COL4A6: variants seen among roughly 807,000 people sequenced by gnomAD.
The protein encoded by COL4A6 is collagen alpha-6(IV) chain.
Under a neutral mutation model 126.7 loss-of-function variants are expected in COL4A6, and 59 were observed. The observed-to-expected ratio is 0.47, with a 90% CI of 0.38 to 0.58. The LOEUF is 0.58. Among genes scored for constraint, COL4A6 ranks in the 20% least tolerant of loss-of-function variants. The pLI is 0.00. For synonymous variants in COL4A6, 547 were observed against 496.6 expected (o/e 1.10, Z -1.35); for missense variants, 1,285 against 1,337.3 (o/e 0.96, Z 0.61).
intron 2 of COL4A6, among the ~76,000 whole-genome samples, chrX:108,358,017 G>A (rs2039996106): frequency 1.8e-5 from 2 of 111,523 alleles, no homozygotes; most frequent in South Asian, 7.6e-4. Flanking sequence ...GCAGATTCAA[G>A]GTTATTCTTG....
At chrX:108,245,450 C>T (rs1221289824) in intron 3 of COL4A6, among the ~76,000 whole-genome samples, 2 of 111,940 alleles carry the variant, frequency 1.8e-5, no homozygotes, top group East Asian at 2.8e-4. Flanking sequence ...CTCCCACGTA[C>T]TCCCCCAAAG....
At chrX:108,370,530 A>T (rs762818051) in intron 2 of COL4A6, among the ~76,000 whole-genome samples, 10 of 112,074 alleles carry the variant, frequency 8.9e-5, no homozygotes, top group Non-Finnish European at 1.3e-4. Context: ...TGGAGTTTGG[A>T]GAAAAGGAAT....
chrX:108,391,041 T>G (rs1449769209), intron 2 of COL4A6, among the ~76,000 whole-genome samples: 2 of 110,872 alleles, frequency 1.8e-5, no homozygotes, highest in African/African-American at 6.6e-5. Flanking sequence ...GTATCACCAG[T>G]GGAGATGGTG....
At chrX:108,300,904 A>T (rs1366471818) in intron 3 of COL4A6, among the ~76,000 whole-genome samples, 1 of 112,125 alleles carries the variant, frequency 8.9e-6, no homozygotes. Context: ...AAAACACAGA[A>T]CATAGTCTAG....
chrX:108,196,616 T>G (rs1440442074), intron 13 of COL4A6, 37 bp from the exon 14 acceptor site: 1 of 1,104,513 alleles, frequency 9.1e-7, no homozygotes, highest in African/African-American at 1.8e-5. Context: ...ATAACGTTTG[T>G]TTTCTTGTCG....
At chrX:108,167,076 T>C (rs1156964282) in intron 37 of COL4A6, among the ~76,000 whole-genome samples, 6 of 111,774 alleles carry the variant, frequency 5.4e-5, no homozygotes, top group Admixed American at 1.9e-4. Flanking sequence ...TACGTGTTAT[T>C]AAACCTGAAA....
chrX:108,259,345 A>G (rs1222215919), intron 3 of COL4A6, among the ~76,000 whole-genome samples: 1 of 111,662 alleles, frequency 9.0e-6, no homozygotes, highest in Non-Finnish European at 1.9e-5. Context: ...CCACCCCACA[A>G]ATAAATAGTT....
chrX:108,161,851 G>A, intron 41 of COL4A6, 116 bp from the exon 42 acceptor site: 1 of 491,008 alleles, frequency 2.0e-6, no homozygotes, highest in Non-Finnish European at 3.6e-6. Context: ...GATGCACTTG[G>A]CTGTCGACTT....
rs772257129 is a variant in COL4A6, at chrX:108,206,353, T to G, written c.609+165A>C. 3 of 573,757 alleles carry G rather than the reference T, an allele frequency of 5.2e-6. No homozygotes were observed. In the South Asian group the frequency reaches 6.7e-5, roughly 13 times the overall value. The allele number at this position is 573,757 out of a possible 1,213,427, so 47.3% of individuals were successfully genotyped here. On this transcript the variant is annotated intron_variant, in intron 9 of 44. Transcript: ENST00000334504. ...GATAGACTCTGATAAATAACTCCAA[T>G]AGCTCCTCGCAAGAGCATGCTTTAC... is the stretch of plus-strand genomic sequence containing the variant.
intron 13 of COL4A6, among the ~76,000 whole-genome samples, chrX:108,200,061 G>A (rs2035344703): frequency 8.9e-6 from 1 of 111,868 alleles, no homozygotes; most frequent in South Asian, 3.8e-4. Context: ...ATGCCAGGTG[G>A]CTAGAATCTA....
intron 2 of COL4A6, among the ~76,000 whole-genome samples, chrX:108,364,372 T>C (rs952329664): frequency 4.5e-5 from 5 of 110,703 alleles, no homozygotes; most frequent in African/African-American, 1.6e-4. Flanking sequence ...AAGTTCCTTA[T>C]TGTGGTAAGT....
At chrX:108,352,902 T>C (rs972551401) in intron 2 of COL4A6, among the ~76,000 whole-genome samples, 2 of 112,084 alleles carry the variant, frequency 1.8e-5, no homozygotes, top group African/African-American at 6.5e-5. Flanking sequence ...TTGACAGAAC[T>C]TTGGGCTTCC....
intron 3 of COL4A6, among the ~76,000 whole-genome samples, chrX:108,298,893 A>G (rs1196968608): frequency 9.0e-6 from 1 of 110,582 alleles, no homozygotes; most frequent in African/African-American, 3.3e-5. Flanking sequence ...GACTTGATTT[A>G]AAAAGTAAAA....
chrX:108,161,580 T>TA, intron 42 of COL4A6, 39 bp downstream of exon 42: 7 of 644,847 alleles, frequency 1.1e-5, no homozygotes, highest in African/African-American at 2.3e-5. Context: ...CAGACCACCA[T>TA]CCCCGCCCCG....
intron 2 of COL4A6, among the ~76,000 whole-genome samples, chrX:108,423,013 G>A (rs757188178): frequency 1.8e-5 from 2 of 112,098 alleles, no homozygotes; most frequent in African/African-American, 6.5e-5. Context: ...ACTTCACTAA[G>A]ATATAAAACT....
At chrX:108,222,291 T>C (rs1251224535) in intron 3 of COL4A6, among the ~76,000 whole-genome samples, 2 of 112,084 alleles carry the variant, frequency 1.8e-5, no homozygotes, top group Admixed American at 1.9e-4. Flanking sequence ...AAACCATTAG[T>C]AATATGCATT....
chrX:108,171,750 C>T lies in COL4A6; in HGVS notation c.3203-289G>A, dbSNP rs746608138. Among the ~76,000 whole-genome samples the T allele has an allele frequency of 3.6e-5, 4 of 111,902 alleles. No homozygotes were observed. In the South Asian group the frequency reaches 1.5e-3, roughly 42 times the overall value. ...GGTAGGCAGGGCCCTCAAACATCAC[C>T]AGAATGGAACAGTGATGCCAGCAAG... On this transcript the variant is annotated intron_variant, in intron 32 of 44. Transcript: ENST00000334504.
At chrX:108,399,021 G>T (rs1198452641) in intron 2 of COL4A6, among the ~76,000 whole-genome samples, 2 of 111,326 alleles carry the variant, frequency 1.8e-5, no homozygotes, top group Admixed American at 1.9e-4. Context: ...AAATTGAAGG[G>T]AGAGCATCCT....
rs749613489 is a variant in COL4A6, at chrX:108,213,849, C to T, written c.441+263G>A. On this transcript the variant is annotated intron_variant, in intron 6 of 44. Coordinates refer to ENST00000334504, the MANE Select transcript of COL4A6 (RefSeq NM_033641.4). ...TATTTTGCCATGAAATTTACTACAG[C>T]CTTTTAACAATCTTGCCAATTTCAC... The T allele has an allele frequency of 1.8e-4, 57 of 314,645 alleles. No homozygotes were observed. The South Asian group carries it at 3.7e-3, about 20-fold the overall frequency. 25.9% of individuals were successfully genotyped at this position (314,645 alleles called of 1,213,427 possible). A position where few individuals can be genotyped will look rare whatever the true frequency, so the allele number is the denominator to read the frequency against.
Sources: allele counts gnomAD v4.1 joint callset (sites outside exome capture counted in the v4.1 genomes callset), GRCh38; gene constraint gnomAD v4.1.1; transcripts MANE v1.5; gene names NCBI Gene and HGNC (gene_info 2026-07-23, HGNC 2026-07-21).